The following RNGTT variants were observed in gnomAD, a reference collection of about 807,000 sequenced individuals.
RNGTT encodes RNA guanylyltransferase and 5'-phosphatase.
RNGTT carries 33 observed loss-of-function variants against 79.3 expected under a neutral mutation model. That is an observed-to-expected ratio of 0.42 (90% CI 0.32 to 0.56). The LOEUF (loss-of-function observed/expected upper bound fraction) is 0.56. Ranked by LOEUF, RNGTT falls within the 20% of genes least tolerant of loss-of-function variation. The pLI is 0.17. For missense variants in RNGTT, 497 were observed against 739.1 expected (o/e 0.67, Z 3.80); for synonymous variants, 222 against 235.9 (o/e 0.94, Z 0.54).
rs563839046 is a variant in RNGTT at position 88,915,540 on chromosome 6, C to G, written c.368-9100G>C. 2.3e-4 allele frequency among the ~76,000 whole-genome samples: 35 copies of G among 152,276 alleles called. No individual in the cohort carries two copies. In the South Asian group the frequency reaches 7.1e-3, roughly 31 times the overall value. ...AACAGAAAACCACCTATCACATGTT[C>G]TCACTTATAAGCTGGAGCTAAATTT... On this transcript the variant is annotated intron_variant, in intron 4 of 15. Transcript: ENST00000369485.
At chr6:88,801,329 C>A (rs569343843) in intron 12 of RNGTT, among the ~76,000 whole-genome samples, 2 of 152,244 alleles carry the variant, frequency 1.3e-5, no homozygotes, top group African/African-American at 4.8e-5. Context: ...ATGCTTATTT[C>A]TTAAGCTGAG....
rs573354428 is a variant in RNGTT, at chr6:88,741,745, AC to A, written c.1439+28028del. Reference sequence around the variant, plus strand: ...CAAGAGATTTAATGAGTAATTAGATACAAAAAATTATTAATAGTGGTTATAT... The same window carrying A: ...CAAGAGATTTAATGAGTAATTAGATAAAAAAATTATTAATAGTGGTTATAT... On this transcript the variant is annotated intron_variant, in intron 13 of 15. Transcript: ENST00000369485. Among the ~76,000 whole-genome samples, 288 of 152,332 alleles carry A rather than the reference AC, an allele frequency of 1.9e-3. 4 individuals are homozygous for A. The highest frequency in any genetic ancestry group is 6.8e-3 in the African/African-American group (282 of 41,574).
intron 1 of RNGTT, among the ~76,000 whole-genome samples, chr6:88,958,210 A>C (rs1413452872): frequency 6.6e-6 from 1 of 152,232 alleles, no homozygotes; most frequent in Admixed American, 6.5e-5. Context: ...CACCTTATAC[A>C]AAGTCAACTG....
chr6:88,612,277 C>T lies in RNGTT; in HGVS notation c.*442G>A, dbSNP rs1358831729. 1.3e-5 allele frequency: 2 copies of T among 153,982 alleles called. No individual in the cohort carries two copies. Among genetic ancestry groups the T allele is most frequent in the African/African-American group, 2.4e-5 (1 of 41,426 alleles). 9.5% of individuals were successfully genotyped at this position (153,982 alleles called of 1,614,324 possible). ...TAAATGATAGCAAGAATGTTTAATG[C>T]CATTGCCTGGATTTTTTAAAAGGAA... is the stretch of plus-strand genomic sequence containing the variant. On this transcript the variant is annotated 3_prime_UTR_variant, in exon 16 of 16. Transcript: ENST00000369485.
At chr6:88,718,217 T>A (rs1481072108) in intron 13 of RNGTT, among the ~76,000 whole-genome samples, 1 of 151,856 alleles carries the variant, frequency 6.6e-6, no homozygotes, top group Non-Finnish European at 1.5e-5. Context: ...GGAAACCTCA[T>A]CTCTACTAAA....
At chr6:88,962,230 G>T (rs1308165805) in intron 1 of RNGTT, among the ~76,000 whole-genome samples, 1 of 152,036 alleles carries the variant, frequency 6.6e-6, no homozygotes, top group South Asian at 2.1e-4. Flanking sequence ...CTAGGAAAGA[G>T]ATATATTTGT....
At chr6:88,713,158 G>T (rs1776376366) in intron 13 of RNGTT, among the ~76,000 whole-genome samples, 1 of 152,114 alleles carries the variant, frequency 6.6e-6, no homozygotes, top group Admixed American at 6.5e-5. Flanking sequence ...ATGCAATTAA[G>T]TCATGAGAGT....
At chr6:88,775,294 A>G (rs1206613720) in intron 12 of RNGTT, among the ~76,000 whole-genome samples, 3 of 152,176 alleles carry the variant, frequency 2.0e-5, no homozygotes, top group African/African-American at 7.2e-5. Flanking sequence ...ATATAAAACA[A>G]TATTATTAAG....
At chr6:88,932,828 C>T (rs543592527) in intron 2 of RNGTT, among the ~76,000 whole-genome samples, 10 of 152,212 alleles carry the variant, frequency 6.6e-5, no homozygotes, top group East Asian at 5.8e-4. Context: ...CACTTAGAAA[C>T]GCACACCTAA....
In RNGTT at chr6:88,615,873, T is replaced by TA. The variant is rs962927314; in HGVS notation, c.1507-1479dup. 7.2e-5 allele frequency among the ~76,000 whole-genome samples: 11 copies of TA among 152,142 alleles called. 1 individual carries two copies. The highest frequency in any genetic ancestry group is 4.1e-4 in the South Asian group (2 of 4,832). ...AAACATTGCTTTTTAAAATCTGTGG[T>TA]AAAAAAACATTGAATTTTCCATCTT... On this transcript the variant is annotated intron_variant, in intron 14 of 15. Coordinates refer to ENST00000369485, the MANE Select transcript of RNGTT (RefSeq NM_003800.5).
At chr6:88,746,055 T>C (rs1211513584) in intron 13 of RNGTT, among the ~76,000 whole-genome samples, 1 of 152,160 alleles carries the variant, frequency 6.6e-6, no homozygotes, top group Non-Finnish European at 1.5e-5. Flanking sequence ...GTTTGGATGT[T>C]TTTCTATGAT....
At chr6:88,765,191 C>CAAA (rs11286162) in intron 13 of RNGTT, among the ~76,000 whole-genome samples, 1 of 84,380 alleles carries the variant, frequency 1.2e-5, no homozygotes, top group African/African-American at 4.4e-5. Context: ...GACTCCATCT[C>CAAA]AAAAAAAAAA....
At chr6:88,844,667 A>T (rs1290349215) in intron 10 of RNGTT, 146 bp from the exon 11 acceptor site, 4 of 634,922 alleles carry the variant, frequency 6.3e-6, no homozygotes, top group Admixed American at 3.2e-5. Flanking sequence ...AAACATATAT[A>T]CCAACCCTAA....
At position 88,929,577 on chromosome 6, in the gene RNGTT, T is replaced by C. The variant is rs539246952; in HGVS notation, c.175-310A>G. On this transcript the variant is annotated intron_variant, in intron 2 of 15. Transcript: ENST00000369485. ...AAAGAGAAAATGCTAGAGTTTTCTC[T>C]AGTGTTTGCTGCATATACCTCTGCA... 3.3e-5 allele frequency among the ~76,000 whole-genome samples: 5 copies of C among 152,268 alleles called. No individual in the cohort carries two copies. In the East Asian group the frequency reaches 9.6e-4, roughly 29 times the overall value.
chr6:88,733,340 CAGAG>C (rs1777175843), intron 13 of RNGTT, among the ~76,000 whole-genome samples: 1 of 151,678 alleles, frequency 6.6e-6, no homozygotes, highest in African/African-American at 2.4e-5. Flanking sequence ...GCTTGAGCAA[CAGAG>C]AGAGACTCTG....
At position 88,655,437 on chromosome 6, in the gene RNGTT, G is replaced by A. The variant is rs531003629; in HGVS notation, c.1506+22916C>T. ...CTTTGCATCTATTGCATATGCACAC[G>A]AATACAAACATCACTCTTACGTTTC... On this transcript the variant is annotated intron_variant, in intron 14 of 15. Coordinates refer to ENST00000369485, the MANE Select transcript of RNGTT (RefSeq NM_003800.5). Among the ~76,000 whole-genome samples, 13 of 152,184 alleles carry A rather than the reference G, an allele frequency of 8.5e-5. No individual in the cohort carries two copies. In the South Asian group the frequency reaches 1.5e-3, roughly 17 times the overall value.
At chr6:88,884,578 G>A (rs930056293) in intron 8 of RNGTT, among the ~76,000 whole-genome samples, 2 of 152,236 alleles carry the variant, frequency 1.3e-5, no homozygotes, top group African/African-American at 4.8e-5. Context: ...AAAGGGATAG[G>A]AGAAAGTAAC....
chr6:88,630,834 G>T (rs1446018633), intron 14 of RNGTT, among the ~76,000 whole-genome samples: 2 of 151,406 alleles, frequency 1.3e-5, no homozygotes, highest in African/African-American at 4.9e-5. Flanking sequence ...TATTTTTTTA[G>T]AAATCAAAAC....
intron 13 of RNGTT, among the ~76,000 whole-genome samples, chr6:88,739,241 T>C (rs2127824007): frequency 6.6e-6 from 1 of 152,240 alleles, no homozygotes; most frequent in East Asian, 1.9e-4. Context: ...AGCAAATTTA[T>C]GGAACCAAGA....
Sources: allele counts gnomAD v4.1 joint callset (sites outside exome capture counted in the v4.1 genomes callset), GRCh38; gene constraint gnomAD v4.1.1; transcripts MANE v1.5; gene names NCBI Gene and HGNC (gene_info 2026-07-23, HGNC 2026-07-21).